The following TJP1 variants were observed in gnomAD, a reference collection of about 807,000 sequenced individuals.
TJP1 encodes the protein tight junction protein ZO-1.
Under a neutral mutation model 194.2 loss-of-function variants are expected in TJP1, and 43 were observed. The observed-to-expected ratio is 0.22, with a 90% confidence interval of 0.17 to 0.29. The LOEUF (loss-of-function observed/expected upper bound fraction) is 0.29. Among genes scored for constraint, TJP1 ranks in the 10% least tolerant of loss-of-function variants. The pLI is 1.00. For missense variants in TJP1, 1,971 were observed against 2,185.7 expected, an observed-to-expected ratio of 0.90 and a Z score of 1.96; for synonymous variants, 801 against 779.0, an observed-to-expected ratio of 1.03 and a Z score of -0.47.
intron 3 of TJP1, among the ~76,000 whole-genome samples, chr15:29,772,656 C>T (rs1216204136): frequency 1.3e-5 from 2 of 152,196 alleles, no homozygotes; most frequent in Admixed American, 6.5e-5. Context: ...CTTCTGAAGG[C>T]TAGATTCTAC....
intron 3 of TJP1, 138 bp downstream of exon 3, chr15:29,773,095 A>T: frequency 9.6e-7 from 1 of 1,042,172 alleles, no homozygotes; most frequent in Non-Finnish European, 1.3e-6. Flanking sequence ...ATGTTAATTT[A>T]AGGAAAAATA....
At chr15:29,917,879 A>G (rs1166003443) in intron 2 of TJP1, among the ~76,000 whole-genome samples, 1 of 152,194 alleles carries the variant, frequency 6.6e-6, no homozygotes, top group Non-Finnish European at 1.5e-5. Context: ...TAAACAGTTC[A>G]GCGACATTAA....
chr15:29,711,145 C>A (rs1166925957), intron 23 of TJP1, 145 bp from the exon 24 acceptor site: 3 of 862,278 alleles, frequency 3.5e-6, no homozygotes, highest in African/African-American at 1.7e-5. Context: ...AGCTACTCTA[C>A]CAAAATATAA....
At chr15:29,887,297 T>C (rs964469482) in intron 2 of TJP1, among the ~76,000 whole-genome samples, 2 of 148,264 alleles carry the variant, frequency 1.3e-5, no homozygotes, top group African/African-American at 4.9e-5. Flanking sequence ...AATATATACA[T>C]ATATATGTAT....
At chr15:29,828,360 A>G (rs2050736198) in intron 2 of TJP1, among the ~76,000 whole-genome samples, 2 of 152,174 alleles carry the variant, frequency 1.3e-5, no homozygotes, top group Admixed American at 6.5e-5. Flanking sequence ...ATAGTTTATC[A>G]AACTAAGATT....
intron 2 of TJP1, among the ~76,000 whole-genome samples, chr15:29,846,708 G>C (rs1285230801): frequency 6.6e-6 from 1 of 152,152 alleles, no homozygotes; most frequent in East Asian, 1.9e-4. Flanking sequence ...GGCGGATCAC[G>C]AGGTCAGGAG....
At chr15:29,739,522 C>T (rs1249036372) in intron 10 of TJP1, among the ~76,000 whole-genome samples, 1 of 152,128 alleles carries the variant, frequency 6.6e-6, no homozygotes, top group East Asian at 1.9e-4. Flanking sequence ...CGGCTCACTG[C>T]AAGCTCCACC....
intron 2 of TJP1, among the ~76,000 whole-genome samples, chr15:29,799,485 G>A (rs1328931178): frequency 6.6e-6 from 1 of 151,670 alleles, no homozygotes; most frequent in South Asian, 2.1e-4. Flanking sequence ...CATGATCTCG[G>A]CTCACTGCAA....
At position 29,718,294 on chromosome 15, in the gene TJP1, T is replaced by C; in HGVS notation, c.3848A>G (p.Lys1283Arg). The C allele has an allele frequency of 1.5e-5, 24 of 1,613,950 alleles. No homozygotes were observed. The highest frequency in any genetic ancestry group is 2.2e-5 in the East Asian group (1 of 44,878). Residue 1283 changes from lysine to arginine, a missense_variant, in exon 21 of 28, where the codon AAG (lysine) becomes AGG (arginine). Lys to Arg is a conservative substitution (Grantham distance 26). Transcript: ENST00000614355. Reference sequence around the variant, plus strand: ...AAAACTGCCAGTGTCATTTACATCCTTCTTGGTCTCTAAGGATGCAGATCT... The same window carrying C: ...AAAACTGCCAGTGTCATTTACATCCCTCTTGGTCTCTAAGGATGCAGATCT... The part of the protein sequence containing the change: ...NKRSASLETK[K>R]DVNDTGSFKP...
intron 1 of TJP1, among the ~76,000 whole-genome samples, chr15:29,803,972 T>G (rs1040202192): frequency 6.6e-6 from 1 of 151,650 alleles, no homozygotes; most frequent in African/African-American, 2.4e-5. Context: ...GACCAGCCAC[T>G]AAACCAACTT....
intron 2 of TJP1, among the ~76,000 whole-genome samples, chr15:29,887,345 A>C (rs1444475377): frequency 1.3e-5 from 2 of 151,112 alleles, no homozygotes; most frequent in Admixed American, 6.6e-5. Context: ...TTTGTTGCCC[A>C]AGCTGGAGTG....
At chr15:29,946,733 CATTT>C (rs2055297007) in intron 2 of TJP1, among the ~76,000 whole-genome samples, 2 of 152,304 alleles carry the variant, frequency 1.3e-5, no homozygotes, top group East Asian at 3.9e-4. Context: ...TCTATTCATT[CATTT>C]GACAAATATT....
At chr15:29,908,036 T>C (rs1346583635) in intron 2 of TJP1, among the ~76,000 whole-genome samples, 1 of 27,976 alleles carries the variant, frequency 3.6e-5, no homozygotes, top group African/African-American at 1.2e-4. Flanking sequence ...GTTGAGAAAT[T>C]ACCTTATAAA....
At chr15:29,863,986 CCA>C (rs1344233239) in intron 2 of TJP1, among the ~76,000 whole-genome samples, 53 of 152,166 alleles carry the variant, frequency 3.5e-4, no homozygotes, top group Middle Eastern at 3.4e-3. Flanking sequence ...TTCTTTTAAA[CCA>C]TAGGCTTCAA....
At chr15:29,818,180 T>G (rs1319476859) in intron 1 of TJP1, among the ~76,000 whole-genome samples, 2 of 152,152 alleles carry the variant, frequency 1.3e-5, no homozygotes, top group Non-Finnish European at 2.9e-5. Flanking sequence ...ACAAAAACAT[T>G]TAAGTATTCA....
intron 2 of TJP1, among the ~76,000 whole-genome samples, chr15:29,893,854 C>T (rs1027187517): frequency 3.9e-5 from 6 of 151,958 alleles, no homozygotes; most frequent in African/African-American, 4.8e-5. Context: ...TCCCTATAAA[C>T]GATAAAAAAA....
chr15:29,775,029 G>A (rs529528622), intron 2 of TJP1, among the ~76,000 whole-genome samples: 10 of 151,784 alleles, frequency 6.6e-5, no homozygotes, highest in East Asian at 1.9e-4. Context: ...ATTGCACACC[G>A]TTATGAGCAG....
At chr15:29,775,841 A>G (rs1183405499) in intron 2 of TJP1, among the ~76,000 whole-genome samples, 4 of 152,198 alleles carry the variant, frequency 2.6e-5, no homozygotes, top group African/African-American at 9.7e-5. Context: ...TGACCCTATT[A>G]TAAATAAAAG....
intron 2 of TJP1, among the ~76,000 whole-genome samples, chr15:29,879,214 G>A (rs1025769148): frequency 6.6e-6 from 1 of 152,182 alleles, no homozygotes; most frequent in Admixed American, 6.5e-5. Context: ...TGTGCAAGTG[G>A]CTAAAATAGG....
Sources: allele counts gnomAD v4.1 joint callset (sites outside exome capture counted in the v4.1 genomes callset), GRCh38; gene constraint gnomAD v4.1.1; transcripts MANE v1.5; gene names NCBI Gene and HGNC (gene_info 2026-07-23, HGNC 2026-07-21).